Variants in SYT1 observed in about 807,000 individuals in gnomAD.
The protein encoded by SYT1 is synaptotagmin 1, also known as synaptotagmin-1.
SYT1 carries 8 observed loss-of-function variants against 44.8 expected under a neutral mutation model. The observed-to-expected ratio is 0.18, with a 90% confidence interval of 0.10 to 0.32. The LOEUF is 0.32. SYT1 is among the 10% of genes least tolerant of loss of function. The pLI is 1.00. For synonymous variants in SYT1, 154 were observed against 188.8 expected (o/e 0.82, Z 1.51); for missense variants, 286 against 509.3 (o/e 0.56, Z 4.22).
intron 1 of SYT1, among the ~76,000 whole-genome samples, chr12:78,902,243 C>T (rs889595695): frequency 1.4e-5 from 2 of 146,912 alleles, no homozygotes; most frequent in Non-Finnish European, 3.0e-5. Context: ...ATCATATAAT[C>T]GCAATTACAC....
At chr12:78,993,752 T>C (rs185542467) in intron 2 of SYT1, among the ~76,000 whole-genome samples, 1 of 152,348 alleles carries the variant, frequency 6.6e-6, no homozygotes, top group Admixed American at 6.5e-5. Flanking sequence ...CAATCTAATA[T>C]TACTTTTCAA....
chr12:78,893,305 G>C (rs1291612010), intron 1 of SYT1, among the ~76,000 whole-genome samples: 4 of 151,726 alleles, frequency 2.6e-5, no homozygotes, highest in Non-Finnish European at 5.9e-5. Context: ...TGACTGTAAA[G>C]TTATAATCTA....
At chr12:79,034,944 T>C (rs2137688084) in intron 2 of SYT1, among the ~76,000 whole-genome samples, 1 of 151,846 alleles carries the variant, frequency 6.6e-6, no homozygotes, top group Non-Finnish European at 1.5e-5. Context: ...TCCTATTTTA[T>C]TTCTACAGTT....
In SYT1 at chr12:78,963,380, T is replaced by A. The variant is rs540892698; in HGVS notation, c.-216-14419T>A. On this transcript the variant is annotated intron_variant, in intron 1 of 10. Coordinates refer to ENST00000261205, the MANE Select transcript of SYT1 (RefSeq NM_005639.3). ...AAAGGAAACGATGGCGTGAAAAGAC[T>A]ACCTACAGAATGGGAGAAAATGTTT... Among the ~76,000 whole-genome samples the A allele has an allele frequency of 2.6e-5, 4 of 152,150 alleles. No homozygotes were observed. In the Middle Eastern group the frequency reaches 0.01, roughly 388 times the overall value.
At chr12:78,928,899 A>G (rs1877457490) in intron 1 of SYT1, among the ~76,000 whole-genome samples, 2 of 152,192 alleles carry the variant, frequency 1.3e-5, no homozygotes, top group African/African-American at 4.8e-5. Context: ...AATGCTGTAT[A>G]TATGTCTGAA....
intron 3 of SYT1, among the ~76,000 whole-genome samples, chr12:79,114,739 T>C (rs1480316293): frequency 6.6e-6 from 1 of 152,188 alleles, no homozygotes; most frequent in Non-Finnish European, 1.5e-5. Context: ...TTGATGTGTT[T>C]ACTTCTTGTC....
chr12:79,445,364 T>C (rs1870649414), intron 10 of SYT1, among the ~76,000 whole-genome samples: 1 of 152,046 alleles, frequency 6.6e-6, no homozygotes, highest in African/African-American at 2.4e-5. Flanking sequence ...TATGTTATTG[T>C]TAACTATAGC....
chr12:78,912,678 G>T (rs182703734), intron 1 of SYT1, among the ~76,000 whole-genome samples: 1 of 152,018 alleles, frequency 6.6e-6, no homozygotes, highest in African/African-American at 2.4e-5. Flanking sequence ...TTTTAAAAAA[G>T]ATGCTTTAAA....
intron 1 of SYT1, among the ~76,000 whole-genome samples, chr12:78,870,790 C>T: frequency 6.6e-6 from 1 of 152,030 alleles, no homozygotes; most frequent in East Asian, 1.9e-4. Flanking sequence ...TCCATGCCTA[C>T]TGTGGGTAGG....
intron 2 of SYT1, among the ~76,000 whole-genome samples, chr12:79,002,786 C>T (rs992294453): frequency 2.0e-5 from 3 of 151,860 alleles, no homozygotes; most frequent in African/African-American, 7.3e-5. Flanking sequence ...TAAAATAAGG[C>T]AGAATGAGAA....
intron 1 of SYT1, among the ~76,000 whole-genome samples, chr12:78,929,881 G>T (rs1877538880): frequency 6.6e-6 from 1 of 152,080 alleles, no homozygotes; most frequent in African/African-American, 2.4e-5. Flanking sequence ...AGAATGTGGT[G>T]GGGGGAAGGG....
At chr12:79,206,527 T>A (rs1592852306) in intron 3 of SYT1, among the ~76,000 whole-genome samples, 1 of 152,138 alleles carries the variant, frequency 6.6e-6, no homozygotes, top group East Asian at 1.9e-4. Context: ...ATGTAAAAAA[T>A]GTGAAAAAAA....
At chr12:79,284,537 A>G (rs923663951) in intron 4 of SYT1, among the ~76,000 whole-genome samples, 1 of 152,096 alleles carries the variant, frequency 6.6e-6, no homozygotes, top group Non-Finnish European at 1.5e-5. Context: ...TTGACTATAA[A>G]GAAATGATAG....
intron 1 of SYT1, among the ~76,000 whole-genome samples, chr12:78,914,478 T>TATAAA (rs1876529540): frequency 3.8e-5 from 2 of 52,108 alleles, no homozygotes; most frequent in Admixed American, 2.3e-4. Flanking sequence ...AGCAACAAAT[T>TATAAA]ATAATTTGTT....
intron 4 of SYT1, among the ~76,000 whole-genome samples, chr12:79,246,272 C>G (rs1876845231): frequency 6.6e-6 from 1 of 152,156 alleles, no homozygotes; most frequent in Non-Finnish European, 1.5e-5. Flanking sequence ...TTCGCCTCTA[C>G]TCTTTTATTC....
At chr12:79,000,111 C>T (rs1870633976) in intron 2 of SYT1, among the ~76,000 whole-genome samples, 2 of 152,026 alleles carry the variant, frequency 1.3e-5, no homozygotes, top group South Asian at 2.1e-4. Flanking sequence ...AAAATTAATT[C>T]ACCATTACTA....
At chr12:78,900,082 G>A (rs10861132) in intron 1 of SYT1, among the ~76,000 whole-genome samples, 57,716 of 151,826 alleles carry the variant, frequency 0.38, 13,037 homozygotes, top group Non-Finnish European at 0.49. Context: ...AATGGTCATT[G>A]AAAATTGCTA....
At chr12:79,055,850 T>G (rs1874892954) in intron 3 of SYT1, among the ~76,000 whole-genome samples, 1 of 152,036 alleles carries the variant, frequency 6.6e-6, no homozygotes, top group Non-Finnish European at 1.5e-5. Context: ...TATTATAAAT[T>G]GACATCTTTT....
At chr12:78,900,831 C>T (rs1409887327) in intron 1 of SYT1, among the ~76,000 whole-genome samples, 1 of 152,030 alleles carries the variant, frequency 6.6e-6, no homozygotes, top group Admixed American at 6.6e-5. Context: ...ATTTGGATTC[C>T]TGTTGGTGAA....
Sources: allele counts gnomAD v4.1 joint callset (sites outside exome capture counted in the v4.1 genomes callset), GRCh38; gene constraint gnomAD v4.1.1; transcripts MANE v1.5; gene names NCBI Gene and HGNC (gene_info 2026-07-23, HGNC 2026-07-21).